CDK15: variants seen among roughly 807,000 people sequenced by gnomAD.
The protein encoded by CDK15 is cyclin-dependent kinase 15.
Under a neutral mutation model 60.3 loss-of-function variants are expected in CDK15, and 62 were observed. That is an observed-to-expected ratio of 1.03 (90% CI 0.84 to 1.27). The LOEUF is 1.27. Among genes scored for constraint, CDK15 ranks in the 50% most tolerant of loss-of-function variants. CDK15 has a pLI of 0.00. For synonymous variants in CDK15, 194 were observed against 195.7 expected, an observed-to-expected ratio of 0.99 and a Z score of 0.07; for missense variants, 541 against 527.8, an observed-to-expected ratio of 1.03 and a Z score of -0.25.
intron 6 of CDK15, among the ~76,000 whole-genome samples, chr2:201,827,108 G>A (rs1696542836): frequency 6.6e-6 from 1 of 152,184 alleles, no homozygotes; most frequent in Admixed American, 6.5e-5. Flanking sequence ...ACAAGTCTGG[G>A]GAAATATATT....
intron 8 of CDK15, among the ~76,000 whole-genome samples, chr2:201,836,228 G>A (rs1697082014): frequency 8.2e-6 from 1 of 121,872 alleles, no homozygotes; most frequent in African/African-American, 3.2e-5. Flanking sequence ...TTTTGAGATG[G>A]AGTCTCACTC....
chr2:201,872,471 G>C, intron 11 of CDK15, 145 bp downstream of exon 11: 1 of 780,388 alleles, frequency 1.3e-6, no homozygotes, highest in East Asian at 2.6e-5. Context: ...CTCTGGAAGC[G>C]CCAGACCCCT....
Position 201,822,933 on chromosome 2 carries a change from G to T in CDK15, c.543+30G>T. The T allele has an allele frequency of 2.3e-6, 3 of 1,280,692 alleles. No individual in the cohort carries two copies. In the South Asian group the frequency reaches 3.6e-5, roughly 16 times the overall value. 79.3% of individuals were successfully genotyped at this position (1,280,692 alleles called of 1,614,324 possible). On this transcript the variant is annotated intron_variant, in intron 5 of 13. Transcript: ENST00000652192. ...GTTGTTCGAGCATTTTACAACACTT[G>T]AGAAAAATAACCTGGTACTTGTATA...
At position 201,882,713 on chromosome 2, in the gene CDK15, G is replaced by T. The variant is rs1385426337; in HGVS notation, c.1198+2546G>T. On this transcript the variant is annotated intron_variant, in intron 12 of 13. Coordinates refer to ENST00000652192, the MANE Select transcript of CDK15 (RefSeq NM_001366386.2). The surrounding 1 kb of genome is among the most constrained non-coding windows in gnomAD (Gnocchi z 4.0). ...TGTGCTTGTGTATGTGTGTGACAGG[G>T]TGGTGGGTGTGCAGAAATATGTATA... 1.3e-5 allele frequency among the ~76,000 whole-genome samples: 2 copies of T among 151,542 alleles called. No individual in the cohort carries two copies. Among genetic ancestry groups the T allele is most frequent in the Admixed American group, 6.6e-5 (1 of 15,186 alleles).
At chr2:201,888,437 C>G in intron 12 of CDK15, 1 of 1,532,924 alleles carries the variant, frequency 6.5e-7, no homozygotes, top group Non-Finnish European at 8.7e-7. Flanking sequence ...TAAACACCCG[C>G]TTTCATATTT....
At chr2:201,836,981 A>G (rs1312040738) in intron 8 of CDK15, among the ~76,000 whole-genome samples, 1 of 152,030 alleles carries the variant, frequency 6.6e-6, no homozygotes, top group Admixed American at 6.6e-5. Context: ...GTTAAATGGA[A>G]TTGTAGTACA....
intron 4 of CDK15, among the ~76,000 whole-genome samples, chr2:201,814,318 A>G (rs948808964): frequency 6.6e-6 from 1 of 152,206 alleles, no homozygotes; most frequent in African/African-American, 2.4e-5. Context: ...TTAGTAGTCA[A>G]CTGTGGACTT....
At chr2:201,888,425 T>G in intron 12 of CDK15, 1 of 1,530,026 alleles carries the variant, frequency 6.5e-7, no homozygotes, top group Non-Finnish European at 8.7e-7. Context: ...TCAAAAAATT[T>G]TTAAACACCC....
At position 201,835,764 on chromosome 2, in the gene CDK15, G is replaced by C; in HGVS notation, c.851+1G>C. Reference sequence around the variant, plus strand: ...AATATTCCTCTGAGCTGGACATATGGTAAGAGTGGTGCCGAGAAAATGTGA... The same window carrying C: ...AATATTCCTCTGAGCTGGACATATGCTAAGAGTGGTGCCGAGAAAATGTGA... On this transcript the variant is annotated splice_donor_variant, in intron 8 of 13. Coordinates refer to ENST00000652192, the MANE Select transcript of CDK15 (RefSeq NM_001366386.2). LOFTEE classifies it high-confidence loss of function. 6.4e-7 allele frequency: 1 copy of C among 1,553,692 alleles called. No homozygotes were observed. Among genetic ancestry groups the C allele is most frequent in the Non-Finnish European group, 8.8e-7 (1 of 1,141,266 alleles).
chr2:201,807,560 C>G lies in CDK15; in HGVS notation c.190C>G (p.Arg64Gly), dbSNP rs34776344. 453 of 1,614,096 alleles carry G rather than the reference C, an allele frequency of 2.8e-4. No homozygotes were observed. The highest frequency in any genetic ancestry group is 2.8e-3 in the Middle Eastern group (17 of 6,062). The change falls in exon 2 of 14, where the codon CGT becomes GGT. Residue 64 changes from arginine to glycine, a missense_variant. Physicochemically the swap from Arg to Gly is moderately radical, Grantham distance 125 (BLOSUM62 -2). Transcript: ENST00000652192. The stretch of plus-strand genomic sequence containing the variant: ...TCACCCCAGGGGACTTCAAGCTGCC[C>G]GTGCCCAGAAGTTCAAGAGTAAAAG... ...SFHPRGLQAA[R>G]AQKFKSKRPR...
chr2:201,848,797 CTAAAA>C (rs1206934367), intron 9 of CDK15, among the ~76,000 whole-genome samples: 1 of 151,762 alleles, frequency 6.6e-6, no homozygotes, highest in Non-Finnish European at 1.5e-5. Context: ...TGTCTTCTGG[CTAAAA>C]TAAAATGTAC....
intron 4 of CDK15, among the ~76,000 whole-genome samples, chr2:201,816,894 G>T (rs1426321721): frequency 2.6e-5 from 4 of 152,038 alleles, no homozygotes; most frequent in Non-Finnish European, 4.4e-5. Flanking sequence ...TGACAACCTG[G>T]AATTACCACT....
intron 9 of CDK15, among the ~76,000 whole-genome samples, chr2:201,848,780 T>C (rs1697780615): frequency 6.6e-6 from 1 of 152,208 alleles, no homozygotes; most frequent in Admixed American, 6.5e-5. Flanking sequence ...TCCTGGATCC[T>C]GCTGCTTGTC....
intron 9 of CDK15, among the ~76,000 whole-genome samples, chr2:201,853,310 AGATTTTACTGGGTGGCAT>A (rs943112408): frequency 3.9e-5 from 6 of 152,200 alleles, no homozygotes; most frequent in African/African-American, 1.4e-4. Flanking sequence ...CAAAGAAGGA[AGATTTTACTGGGTGGCAT>A]GATTTTTTTA....
chr2:201,854,872 A>G lies in CDK15; in HGVS notation c.946-2A>G. 6.2e-7 allele frequency: 1 copy of G among 1,613,828 alleles called. No individual in the cohort carries two copies. Among genetic ancestry groups the G allele is most frequent in the South Asian group, 1.1e-5 (1 of 91,052 alleles). ...TCTTTTTCTTTGTTTGGCTTTATAT[A>G]GGTGCTGGGAGTCCCTACAGAGGAT... On this transcript the variant is annotated splice_acceptor_variant, in intron 9 of 13. Coordinates refer to ENST00000652192, the MANE Select transcript of CDK15 (RefSeq NM_001366386.2). LOFTEE classifies it high-confidence loss of function.
At chr2:201,822,787 A>T in intron 4 of CDK15, 22 bp from the exon 5 acceptor site, 1 of 1,417,502 alleles carries the variant, frequency 7.1e-7, no homozygotes, top group South Asian at 1.2e-5. Flanking sequence ...GATGGATTTA[A>T]CATTTTGTTT....
chr2:201,846,780 A>G (rs1697688535), intron 8 of CDK15, among the ~76,000 whole-genome samples: 1 of 152,186 alleles, frequency 6.6e-6, no homozygotes, highest in Non-Finnish European at 1.5e-5. Flanking sequence ...AGGATGATAC[A>G]TGGGTAAGTG....
intron 4 of CDK15, among the ~76,000 whole-genome samples, 174 bp from the exon 5 acceptor site, chr2:201,822,635 A>C (rs1156291547): frequency 6.6e-6 from 1 of 152,244 alleles, no homozygotes; most frequent in Non-Finnish European, 1.5e-5. Flanking sequence ...TTTTTGAAAT[A>C]ATGAAGGTTC....
intron 10 of CDK15, chr2:201,861,235 A>G: frequency 9.8e-7 from 1 of 1,021,434 alleles, no homozygotes; most frequent in Non-Finnish European, 1.2e-6. Context: ...AGTGTTTCCT[A>G]TGTGCCAGAC....
Sources: allele counts gnomAD v4.1 joint callset (sites outside exome capture counted in the v4.1 genomes callset), GRCh38; gene constraint gnomAD v4.1.1; non-coding constraint Gnocchi (gnomAD v3.1); transcripts MANE v1.5; gene names NCBI Gene and HGNC (gene_info 2026-07-23, HGNC 2026-07-21).